Variants in KAZN observed in about 807,000 individuals in gnomAD.
The protein encoded by KAZN is kazrin, periplakin interacting protein.
KAZN carries 40 observed loss-of-function variants against 87.4 expected under a neutral mutation model. That is an observed-to-expected ratio of 0.46 (90% confidence interval 0.36 to 0.60). KAZN has a LOEUF of 0.60. KAZN is among the 20% of genes least tolerant of loss of function. The pLI is 0.00. For synonymous variants in KAZN, 466 were observed against 458.3 expected (o/e 1.02, Z -0.22); for missense variants, 898 against 1,073.9 (o/e 0.84, Z 2.29).
intron 2 of KAZN, among the ~76,000 whole-genome samples, chr1:14,451,168 ATTACCT>A (rs1214970254): frequency 1.3e-5 from 2 of 152,030 alleles, no homozygotes; most frequent in Non-Finnish European, 2.9e-5. Context: ...TTCTCTATAA[ATTACCT>A]AGTCTCAGGC....
chr1:15,103,267 G>A (rs914207507), intron 11 of KAZN, 92 bp from the exon 12 acceptor site: 85 of 886,078 alleles, frequency 9.6e-5, no homozygotes, highest in South Asian at 9.2e-4. Context: ...ACTCTGTCTC[G>A]GGGGGAAAAA....
intron 8 of KAZN, among the ~76,000 whole-genome samples, chr1:15,076,453 C>T (rs540079474): frequency 1.9e-4 from 29 of 152,318 alleles, no homozygotes; most frequent in Admixed American, 1.8e-3. Context: ...TCCCTTTGAG[C>T]CTCAGTTTCC....
intron 2 of KAZN, among the ~76,000 whole-genome samples, chr1:15,030,503 G>A (rs1321308556): frequency 6.6e-6 from 1 of 152,168 alleles, no homozygotes; most frequent in Non-Finnish European, 1.5e-5. Context: ...CTGACCTCGA[G>A]TGCTCCGCTC....
intron 2 of KAZN, among the ~76,000 whole-genome samples, chr1:14,444,919 A>G (rs766903824): frequency 4.1e-4 from 63 of 152,304 alleles, no homozygotes; most frequent in Middle Eastern, 6.8e-3. Context: ...TCACATATTG[A>G]AGCCCTAAAC....
At chr1:14,889,866 A>G (rs981207111) in intron 1 of KAZN, among the ~76,000 whole-genome samples, 7 of 152,244 alleles carry the variant, frequency 4.6e-5, no homozygotes, top group African/African-American at 1.7e-4. Flanking sequence ...GAAAATATTT[A>G]CTTCCTGGCC....
At chr1:13,900,693 T>G (rs1639216946) in intron 1 of KAZN, among the ~76,000 whole-genome samples, 2 of 152,176 alleles carry the variant, frequency 1.3e-5, no homozygotes, top group African/African-American at 4.8e-5. Flanking sequence ...TGGCTTGGGT[T>G]CAAATTCCAC....
chr1:14,613,951 G>C (rs552687416), intron 1 of KAZN, among the ~76,000 whole-genome samples: 1 of 152,242 alleles, frequency 6.6e-6, no homozygotes, highest in African/African-American at 2.4e-5. Context: ...CCTGTAATTT[G>C]GGCCCCTGGC....
At chr1:14,261,409 T>C (rs1651001882) in intron 2 of KAZN, among the ~76,000 whole-genome samples, 1 of 152,188 alleles carries the variant, frequency 6.6e-6, no homozygotes, top group South Asian at 2.1e-4. Context: ...TTTCCAGGAC[T>C]CGGGTTAAGA....
intron 2 of KAZN, among the ~76,000 whole-genome samples, chr1:14,999,501 T>TCCCCGC (rs1668239834): frequency 1.3e-5 from 1 of 74,622 alleles, no homozygotes; most frequent in African/African-American, 7.4e-5. Context: ...CCTGCCCCCC[T>TCCCCGC]CCCCCCGCCC....
chr1:14,709,808 C>T (rs1360157187), intron 1 of KAZN, among the ~76,000 whole-genome samples: 1 of 152,204 alleles, frequency 6.6e-6, no homozygotes, highest in African/African-American at 2.4e-5. Context: ...GTGTGAGTGT[C>T]ACCAGGTGCC....
At chr1:14,316,942 G>T (rs1655695421) in intron 2 of KAZN, among the ~76,000 whole-genome samples, 1 of 151,656 alleles carries the variant, frequency 6.6e-6, no homozygotes, top group Non-Finnish European at 1.5e-5. Flanking sequence ...CCTTGTTTGG[G>T]GGCCCAGAAT....
intron 1 of KAZN, among the ~76,000 whole-genome samples, chr1:14,082,803 G>T (rs1054970226): frequency 6.6e-6 from 1 of 152,100 alleles, no homozygotes; most frequent in African/African-American, 2.4e-5. Flanking sequence ...ATCCGATCTG[G>T]TCAAGGCAGA....
rs182433553 is a variant in KAZN at position 14,366,304 on chromosome 1, T to C, written c.249+185712T>C. 2.5e-3 allele frequency among the ~76,000 whole-genome samples: 374 copies of C among 152,370 alleles called. 7 individuals are homozygous for C. The highest frequency in any genetic ancestry group is 6.0e-4 in the Non-Finnish European group (41 of 68,036). On this transcript the variant is annotated intron_variant, in intron 2 of 16. Transcript: ENST00000636203. ...ACTGAAATGTCGTAGCTCATCTTCA[T>C]TGAAGCTGTTGGCTATTCAGGGTGA... is the stretch of plus-strand genomic sequence containing the variant.
At chr1:14,431,707 C>A (rs768883183) in intron 2 of KAZN, among the ~76,000 whole-genome samples, 20 of 152,150 alleles carry the variant, frequency 1.3e-4, no homozygotes, top group Admixed American at 2.0e-4. Context: ...TGAATGCTTG[C>A]TTCTGCTCCT....
intron 2 of KAZN, among the ~76,000 whole-genome samples, chr1:15,002,698 G>A (rs1668609548): frequency 6.6e-6 from 1 of 152,124 alleles, no homozygotes; most frequent in African/African-American, 2.4e-5. Context: ...ACACACGGCT[G>A]GGCGTGGTAG....
At chr1:14,566,016 G>A (rs1268266949) in intron 2 of KAZN, among the ~76,000 whole-genome samples, 1 of 152,180 alleles carries the variant, frequency 6.6e-6, no homozygotes, top group Admixed American at 6.5e-5. Context: ...AATTACAAAT[G>A]TTCTTAATGA....
chr1:14,681,637 ATATATATATATATATATATATT>A (rs1640620052), intron 1 of KAZN, among the ~76,000 whole-genome samples: 11 of 18,980 alleles, frequency 5.8e-4, no homozygotes, highest in South Asian at 1.7e-3. Flanking sequence ...ATATATATAT[ATATATATATATATATATATATT>A]TTTTTTTTTT....
In KAZN at chr1:14,856,007, T is replaced by C. The variant is rs143735697; in HGVS notation, c.227-104677T>C. Among the ~76,000 whole-genome samples, 1 of 152,330 alleles carries C rather than the reference T, an allele frequency of 6.6e-6. No individual in the cohort carries two copies. The highest frequency in any genetic ancestry group is 1.9e-4 in the East Asian group (1 of 5,182). On this transcript the variant is annotated intron_variant, in intron 1 of 14. Transcript: ENST00000376030. The surrounding 1 kb of genome is among the most constrained non-coding windows in gnomAD (Gnocchi z 5.2). The stretch of plus-strand genomic sequence containing the variant: ...AAAATGATGGTACATTTACTACTTA[T>C]GTTACTGACAAGGAGCACATTAGTA...
At chr1:13,927,540 A>C (rs1344439594) in intron 1 of KAZN, among the ~76,000 whole-genome samples, 1 of 152,184 alleles carries the variant, frequency 6.6e-6, no homozygotes, top group Admixed American at 6.5e-5. Context: ...TCCAAATCCC[A>C]ACTTCACTTT....
Sources: gnomAD v4.1 joint callset for allele counts (sites outside exome capture counted in the v4.1 genomes callset) on GRCh38, gnomAD v4.1.1 for gene constraint, Gnocchi (gnomAD v3.1) non-coding constraint, MANE v1.5 for transcripts, NCBI Gene and HGNC (gene_info 2026-07-23, HGNC 2026-07-21) for gene names.